IFI16: variants seen among roughly 807,000 people sequenced by gnomAD.
The protein encoded by IFI16 is interferon gamma inducible protein 16, also known as gamma-interferon-inducible protein 16.
In IFI16, 49 loss-of-function variants were observed where a neutral mutation model predicts 68.4. The observed-to-expected ratio is 0.72, with a 90% CI of 0.57 to 0.91. The LOEUF is 0.91. IFI16 is among the 40% of genes least tolerant of loss of function. The pLI is 0.00. For synonymous variants in IFI16, 307 were observed against 315.0 expected (o/e 0.97, Z 0.27); for missense variants, 878 against 942.9 (o/e 0.93, Z 0.90).
intron 6 of IFI16, 61 bp downstream of exon 6, chr1:159,020,590 G>A: frequency 7.6e-7 from 1 of 1,322,564 alleles, no homozygotes; most frequent in Non-Finnish European, 1.1e-6. Context: ...TTTAAGTTTT[G>A]GCAAAAACAA....
At position 159,014,808 on chromosome 1, in the gene IFI16, A is replaced by C. The variant is rs1223686548; in HGVS notation, c.128A>C (p.Tyr43Ser). ...CTTAATTTAAAAATGAGAGAAGAGT[A>C]TGACAAAATTCAGATTGCTGACTTG... ...LKLNLKMREE[Y>S]DKIQIADLME... Residue 43 changes from tyrosine (Y) to serine (S), a missense_variant, in exon 2 of 12, where the codon TAT becomes TCT. Physicochemically the swap from Tyr to Ser is moderately radical, Grantham distance 144. Transcript: ENST00000295809. 1 of 1,614,004 alleles carries C rather than the reference A, an allele frequency of 6.2e-7. No homozygotes were observed.
At chr1:159,029,612 G>A (rs540216229) in intron 6 of IFI16, among the ~76,000 whole-genome samples, 1 of 151,586 alleles carries the variant, frequency 6.6e-6, no homozygotes, top group East Asian at 1.9e-4. Context: ...CTTCTTCCTC[G>A]GGAACACCAG....
chr1:159,005,489 CTT>C (rs1445130608), upstream of IFI16, among the ~76,000 whole-genome samples: 3 of 152,204 alleles, frequency 2.0e-5, no homozygotes, highest in Admixed American at 2.0e-4. Context: ...CACTGAGTCT[CTT>C]TTATTCCACT....
chr1:159,052,118 T>C lies in IFI16; in HGVS notation c.2085+20T>C, dbSNP rs770062775. 1 of 1,568,156 alleles carries C rather than the reference T, an allele frequency of 6.4e-7. No homozygotes were observed. Among genetic ancestry groups the C allele is most frequent in the Non-Finnish European group, 8.6e-7 (1 of 1,159,920 alleles). On this transcript the variant is annotated intron_variant, in intron 10 of 11. Coordinates refer to ENST00000295809, the MANE Select transcript of IFI16 (RefSeq NM_001376587.1). ...CATAAGGTAAGCCCACACCATTGTT[T>C]TATAAAATTTCTCCTGCAACCTCCA...
upstream of IFI16, among the ~76,000 whole-genome samples, chr1:159,006,838 C>T (rs1652278413): frequency 6.6e-6 from 1 of 152,072 alleles, no homozygotes; most frequent in African/African-American, 2.4e-5. Context: ...AACAAACAAA[C>T]AAAAAGACCA....
At chr1:159,044,388 G>T (rs566835667) in intron 7 of IFI16, among the ~76,000 whole-genome samples, 1 of 152,124 alleles carries the variant, frequency 6.6e-6, no homozygotes, top group African/African-American at 2.4e-5. Context: ...TGAAAATACA[G>T]TGTTTTGTTT....
At chr1:159,003,623 C>A (rs1386300374), upstream of IFI16, among the ~76,000 whole-genome samples, 2 of 148,712 alleles carry the variant, frequency 1.3e-5, no homozygotes, top group Admixed American at 6.9e-5. Flanking sequence ...CCATAAACTT[C>A]TCCTATCTTG....
chr1:159,020,234 G>C, intron 5 of IFI16, 107 bp from the exon 6 acceptor site: 1 of 733,232 alleles, frequency 1.4e-6, no homozygotes, highest in Non-Finnish European at 2.4e-6. Context: ...TCTGTACTAG[G>C]AGTTGCTGTT....
At chr1:159,018,098 C>T (rs1337259977) in intron 4 of IFI16, 131 bp from the exon 5 acceptor site, 10 of 705,956 alleles carry the variant, frequency 1.4e-5, no homozygotes, top group Non-Finnish European at 2.4e-5. Flanking sequence ...CGCAATCCCT[C>T]TCTATCCTGA....
At chr1:159,054,138 A>G (rs887645796) in intron 11 of IFI16, among the ~76,000 whole-genome samples, 6 of 152,184 alleles carry the variant, frequency 3.9e-5, no homozygotes, top group African/African-American at 9.7e-5. Flanking sequence ...AGGGTCATCA[A>G]CTTAGCTCAC....
chr1:159,020,049 C>G (rs1440838923), intron 5 of IFI16, among the ~76,000 whole-genome samples: 1 of 152,182 alleles, frequency 6.6e-6, no homozygotes, highest in Admixed American at 6.5e-5. Context: ...TCAGCTTCCT[C>G]TGTATCAAGG....
Position 159,054,924 on chromosome 1 carries a change from A to T in IFI16, c.*23A>T, listed in dbSNP as rs1655591450. 1 of 1,394,196 alleles carries T rather than the reference A, an allele frequency of 7.2e-7. No homozygotes were observed. Among genetic ancestry groups the T allele is most frequent in the African/African-American group, 1.4e-5 (1 of 70,376 alleles). 86.4% of individuals were successfully genotyped at this position (1,394,196 alleles called of 1,614,324 possible). A position where few individuals can be genotyped will look rare whatever the true frequency, so the allele number is the denominator to read the frequency against. ...TAAAATCTGGATGTCATTGACGATA[A>T]TGTTTATGGAGATAAGGTCTAAGTG... is the stretch of plus-strand genomic sequence containing the variant. On this transcript the variant is annotated 3_prime_UTR_variant, in exon 12 of 12. Coordinates refer to ENST00000295809, the MANE Select transcript of IFI16 (RefSeq NM_001376587.1).
At chr1:159,051,524 C>T (rs1485458455) in intron 9 of IFI16, among the ~76,000 whole-genome samples, 155 bp from the exon 10 acceptor site, 1 of 152,174 alleles carries the variant, frequency 6.6e-6, no homozygotes, top group Non-Finnish European at 1.5e-5. Context: ...TTACCTAAAT[C>T]ATACTATCTC....
chr1:159,039,439 G>A (rs902363138), intron 7 of IFI16, among the ~76,000 whole-genome samples: 3 of 152,146 alleles, frequency 2.0e-5, no homozygotes, highest in South Asian at 2.1e-4. Context: ...TGCCTCCCGG[G>A]TTCAGGTGAT....
chr1:159,043,567 G>A (rs1246942584), intron 7 of IFI16, among the ~76,000 whole-genome samples: 10 of 152,108 alleles, frequency 6.6e-5, no homozygotes, highest in Non-Finnish European at 2.9e-5. Flanking sequence ...AACGTAAGCC[G>A]GGAATCCTTG....
Position 159,009,937 on chromosome 1 carries a change from C to T in IFI16, c.-245C>T, listed in dbSNP as rs1223075352. ...CTCTGGGGCAATAGCAGAATAGGAGCAAGCCAGCACTAGTCAGCTAACTAA... is the reference window on the plus strand; with the variant it reads ...CTCTGGGGCAATAGCAGAATAGGAGTAAGCCAGCACTAGTCAGCTAACTAA... On this transcript the variant is annotated 5_prime_UTR_variant, in exon 1 of 12. Transcript: ENST00000295809. 1.3e-5 allele frequency: 2 copies of T among 152,178 alleles called. No individual in the cohort carries two copies. Among genetic ancestry groups the T allele is most frequent in the African/African-American group, 4.8e-5 (2 of 41,438 alleles). 9.4% of individuals were successfully genotyped at this position (152,178 alleles called of 1,614,324 possible). A position where few individuals can be genotyped will look rare whatever the true frequency, so the allele number is the denominator to read the frequency against.
chr1:159,041,992 A>G (rs752592689), intron 7 of IFI16, among the ~76,000 whole-genome samples: 9 of 152,174 alleles, frequency 5.9e-5, no homozygotes, highest in Non-Finnish European at 1.2e-4. Context: ...AACCCTTCTA[A>G]ATAAGCAATG....
At chr1:159,033,655 A>T (rs1360134452) in intron 7 of IFI16, among the ~76,000 whole-genome samples, 2 of 152,244 alleles carry the variant, frequency 1.3e-5, no homozygotes, top group Non-Finnish European at 2.9e-5. Flanking sequence ...ATTCATATCC[A>T]GTCTTATTTA....
rs1382800388 is a variant in IFI16, at chr1:159,049,595, C to G, written c.1661C>G (p.Thr554Ser). The change falls in exon 9 of 12, where the codon ACC (threonine) becomes AGC (serine). Residue 554 changes from threonine to serine, a missense_variant. Thr to Ser is a moderately conservative substitution (Grantham distance 58). This residue lies in a region of IFI16 where 311 missense variants were observed against 305.1 expected (regional missense o/e 1.02). Transcript: ENST00000295809. ...PPSTPSSSFL[T>S]TLKPRLKTEP... ...TCAACACCAAGCAGCAGTTTCTTAA[C>G]CACGGTACAAGTTCCCTCTTCCCAA... The G allele has an allele frequency of 1.6e-5, 26 of 1,608,444 alleles. No individual in the cohort carries two copies. The East Asian group carries it at 5.8e-4, about 36-fold the overall frequency.
Sources: allele counts gnomAD v4.1 joint callset (sites outside exome capture counted in the v4.1 genomes callset), GRCh38; gene constraint gnomAD v4.1.1; regional missense constraint gnomAD v4.1.1; transcripts MANE v1.5; gene names NCBI Gene and HGNC (gene_info 2026-07-23, HGNC 2026-07-21).